TUBGCP4: variants seen among roughly 807,000 people sequenced by gnomAD.
The protein encoded by TUBGCP4 is gamma-tubulin complex component 4.
A neutral mutation model predicts 91.6 loss-of-function variants in TUBGCP4; 54 were observed. The ratio of observed to expected loss-of-function variants is 0.59; its 90% confidence interval spans 0.47 to 0.74. The LOEUF is 0.74. Among genes scored for constraint, TUBGCP4 ranks in the 30% least tolerant of loss-of-function variants. The pLI is 0.00. For synonymous variants in TUBGCP4, 297 were observed against 302.8 expected (o/e 0.98, Z 0.20); for missense variants, 593 against 800.9 (o/e 0.74, Z 3.13).
chr15:43,407,809 G>T lies in TUBGCP4; in HGVS notation c.*2595G>T. Reference sequence around the variant, plus strand: ...CACTTATGTTGACTCACCTCTTGAAGGTGGTACTTTTCTTCTCTAAGAAAC... The same window carrying T: ...CACTTATGTTGACTCACCTCTTGAATGTGGTACTTTTCTTCTCTAAGAAAC... On this transcript the variant is annotated 3_prime_UTR_variant, in exon 18 of 18. Transcript: ENST00000564079. 1 of 950,282 alleles carries T rather than the reference G, an allele frequency of 1.1e-6. No individual in the cohort carries two copies. 58.9% of individuals were successfully genotyped at this position (950,282 alleles called of 1,614,324 possible).
chr15:43,375,145 C>T (rs1479525571), intron 1 of TUBGCP4, among the ~76,000 whole-genome samples: 1 of 152,202 alleles, frequency 6.6e-6, no homozygotes, highest in Non-Finnish European at 1.5e-5. Flanking sequence ...TCAGGTGATC[C>T]ACCTGCCTCG....
chr15:43,399,956 G>C, intron 13 of TUBGCP4, 88 bp from the exon 14 acceptor site: 1 of 933,864 alleles, frequency 1.1e-6, no homozygotes, highest in Middle Eastern at 2.3e-4. Context: ...TGAGAGGAGT[G>C]GGTGGCACAA....
In TUBGCP4 at chr15:43,386,344, C is replaced by CACATATATAT; in HGVS notation, c.1014+14_1014+15insACATATATAT. On this transcript the variant is annotated intron_variant, in intron 9 of 17. Transcript: ENST00000564079. Reference sequence around the variant, plus strand: ...ACTGTGGCTGAGGTTTGTGTTTCATCGTATATATATATATATATATATATA... The same window carrying CACATATATAT: ...ACTGTGGCTGAGGTTTGTGTTTCATCACATATATATGTATATATATATATATATATATATA... 4.1e-6 allele frequency: 1 copy of CACATATATAT among 243,226 alleles called. No homozygotes were observed. Among genetic ancestry groups the CACATATATAT allele is most frequent in the Non-Finnish European group, 6.6e-6 (1 of 151,016 alleles). The allele number at this position is 243,226 out of a possible 1,614,324, so 15.1% of individuals were successfully genotyped here. A position where few individuals can be genotyped will look rare whatever the true frequency, so the allele number is the denominator to read the frequency against.
In TUBGCP4 at chr15:43,398,061, G is replaced by T. The variant is rs2044611118; in HGVS notation, c.1300G>T (p.Gly434Trp). The T allele has an allele frequency of 6.2e-7, 1 of 1,613,716 alleles. No homozygotes were observed. The highest frequency in any genetic ancestry group is 8.5e-7 in the Non-Finnish European group (1 of 1,179,856). ...AGCAGATGCTACTCAGGCAAGAGAA[G>T]GGCCTTCTCGGGAAACTTCTCCCCG... Reference protein sequence around the residue: ...EHKDATQAREGPSRETSPREA... With the variant: ...EHKDATQAREWPSRETSPREA... The change falls in exon 13 of 18, where the codon GGG becomes TGG. Residue 434 changes from glycine to tryptophan, a missense_variant. Coordinates refer to ENST00000564079, the MANE Select transcript of TUBGCP4 (RefSeq NM_014444.5).
Position 43,377,000 on chromosome 15 carries a change from G to A in TUBGCP4, c.331-14G>A. 1 of 1,610,900 alleles carries A rather than the reference G, an allele frequency of 6.2e-7. No homozygotes were observed. Among genetic ancestry groups the A allele is most frequent in the Non-Finnish European group, 8.5e-7 (1 of 1,177,288 alleles). On this transcript the variant is annotated splice_polypyrimidine_tract_variant and intron_variant, in intron 3 of 17. Transcript: ENST00000564079. ...TTTTGTGTGGAGCTCTAATCACAAAGTTTTTTATTGCAGTTCCTGGGTGAT... is the reference window on the plus strand; with the variant it reads ...TTTTGTGTGGAGCTCTAATCACAAAATTTTTTATTGCAGTTCCTGGGTGAT...
At chr15:43,398,775 G>A (rs1696041461) in intron 13 of TUBGCP4, among the ~76,000 whole-genome samples, 1 of 152,124 alleles carries the variant, frequency 6.6e-6, no homozygotes, top group African/African-American at 2.4e-5. Context: ...TTAGCCACTG[G>A]GGAGAAGACA....
At position 43,407,033 on chromosome 15, in the gene TUBGCP4, G is replaced by C; in HGVS notation, c.*1819G>C. ...GAGTTTCTGCAAGCATAGCATTTTA[G>C]ACACCCTGGAATAACCTTTTGGGAA... is the stretch of plus-strand genomic sequence containing the variant. On this transcript the variant is annotated 3_prime_UTR_variant, in exon 18 of 18. Coordinates refer to ENST00000564079, the MANE Select transcript of TUBGCP4 (RefSeq NM_014444.5). 4.1e-6 allele frequency: 1 copy of C among 244,912 alleles called. No homozygotes were observed. The highest frequency in any genetic ancestry group is 5.7e-5 in the South Asian group (1 of 17,572). 15.2% of individuals were successfully genotyped at this position (244,912 alleles called of 1,614,324 possible).
At chr15:43,371,942 C>T (rs1182161025) in intron 1 of TUBGCP4, among the ~76,000 whole-genome samples, 1 of 152,124 alleles carries the variant, frequency 6.6e-6, no homozygotes, top group African/African-American at 2.4e-5. Flanking sequence ...TTTGTGTAAC[C>T]AGGAATGTAT....
intron 6 of TUBGCP4, among the ~76,000 whole-genome samples, chr15:43,381,581 A>T (rs1415360042): frequency 6.6e-6 from 1 of 151,968 alleles, no homozygotes; most frequent in Non-Finnish European, 1.5e-5. Flanking sequence ...TACCAAAAAT[A>T]AAAAAATTAG....
At chr15:43,393,692 C>T (rs1015510105) in intron 9 of TUBGCP4, among the ~76,000 whole-genome samples, 70 of 151,936 alleles carry the variant, frequency 4.6e-4, no homozygotes, top group African/African-American at 1.4e-3. Flanking sequence ...TGAGAACATG[C>T]GGTGTTTGGT....
intron 2 of TUBGCP4, 114 bp downstream of exon 2, chr15:43,376,340 T>C: frequency 1.9e-6 from 3 of 1,597,338 alleles, no homozygotes; most frequent in Non-Finnish European, 2.6e-6. Flanking sequence ...CGGTAATTCA[T>C]GTGAAATAAG....
intron 9 of TUBGCP4, 47 bp downstream of exon 9, chr15:43,386,377 A>ATTTTTTTTTTTTTT (rs748820688): frequency 1.6e-4 from 3 of 19,112 alleles, no homozygotes; most frequent in Non-Finnish European, 1.6e-4. Context: ...ATATATATAT[A>ATTTTTTTTTTTTTT]TTTTTTTTTT....
At chr15:43,388,309 A>T (rs1370926653) in intron 9 of TUBGCP4, among the ~76,000 whole-genome samples, 1 of 152,216 alleles carries the variant, frequency 6.6e-6, no homozygotes, top group Admixed American at 6.5e-5. Context: ...ATCTATTATA[A>T]ATATGGTTTC....
At chr15:43,397,135 G>C in intron 11 of TUBGCP4, 79 bp from the exon 12 acceptor site, 1 of 951,626 alleles carries the variant, frequency 1.1e-6, no homozygotes, top group Non-Finnish European at 1.7e-6. Context: ...GCATGTTGGG[G>C]GAGAAGTGGA....
chr15:43,404,771 A>C, intron 17 of TUBGCP4: 1 of 572,314 alleles, frequency 1.7e-6, no homozygotes, highest in East Asian at 3.0e-5. Context: ...ACAGTGAGAT[A>C]GGTGTTAAGT....
chr15:43,392,046 C>T (rs879141628), intron 9 of TUBGCP4, among the ~76,000 whole-genome samples: 1 of 150,688 alleles, frequency 6.6e-6, no homozygotes, highest in African/African-American at 2.4e-5. Flanking sequence ...TAGAGTAAGA[C>T]TCCGTCTCAA....
chr15:43,376,060 G>T (rs779609978), intron 1 of TUBGCP4, 38 bp from the exon 2 acceptor site: 5 of 1,606,416 alleles, frequency 3.1e-6, no homozygotes, highest in East Asian at 4.5e-5. Context: ...TTGGGGCAGC[G>T]ACTGGCGGTG....
intron 9 of TUBGCP4, among the ~76,000 whole-genome samples, chr15:43,389,566 G>C (rs888983818): frequency 1.3e-5 from 2 of 151,972 alleles, no homozygotes; most frequent in Non-Finnish European, 2.9e-5. Flanking sequence ...TCAGTTTCTT[G>C]CTCTGGGTTA....
Position 43,406,140 on chromosome 15 carries a change from G to C in TUBGCP4, c.*926G>C, listed in dbSNP as rs2044867254. 6.6e-6 allele frequency: 1 copy of C among 150,908 alleles called. No individual in the cohort carries two copies. Among genetic ancestry groups the C allele is most frequent in the South Asian group, 2.1e-4 (1 of 4,788 alleles). The allele number at this position is 150,908 out of a possible 1,614,324, so 9.3% of individuals were successfully genotyped here. On this transcript the variant is annotated 3_prime_UTR_variant, in exon 18 of 18. Coordinates refer to ENST00000564079, the MANE Select transcript of TUBGCP4 (RefSeq NM_014444.5). The stretch of plus-strand genomic sequence containing the variant: ...GTTAGATTTTTAAATACTGAAGATT[G>C]CAGGCCCAATTACCCATCTTACACA...
Sources: allele counts gnomAD v4.1 joint callset (sites outside exome capture counted in the v4.1 genomes callset), GRCh38; gene constraint gnomAD v4.1.1; transcripts MANE v1.5; gene names NCBI Gene and HGNC (gene_info 2026-07-23, HGNC 2026-07-21).